The following ACTN2 variants were observed in gnomAD, a reference collection of about 807,000 sequenced individuals.
ACTN2 encodes the protein actinin alpha 2, also known as alpha-actinin-2.
Under a neutral mutation model 113.8 loss-of-function variants are expected in ACTN2, and 39 were observed. The observed-to-expected ratio is 0.34, with a 90% CI of 0.27 to 0.45. The LOEUF (loss-of-function observed/expected upper bound fraction) is 0.45. Ranked by LOEUF, ACTN2 falls within the 20% of genes least tolerant of loss-of-function variation. The pLI is 1.00. For synonymous variants in ACTN2, 429 were observed against 444.1 expected (o/e 0.97, Z 0.43); for missense variants, 992 against 1,177.9 (o/e 0.84, Z 2.31).
chr1:236,711,046 A>T (rs993712769), intron 1 of ACTN2, among the ~76,000 whole-genome samples: 17 of 152,354 alleles, frequency 1.1e-4, no homozygotes, highest in African/African-American at 3.8e-4. Flanking sequence ...ACTTGAAAGC[A>T]TCTGTATGAC....
At chr1:236,702,292 A>G (rs572574835) in intron 1 of ACTN2, among the ~76,000 whole-genome samples, 2 of 152,342 alleles carry the variant, frequency 1.3e-5, no homozygotes, top group South Asian at 4.1e-4. Flanking sequence ...CAACTAGGGA[A>G]GGGCAAAGAA....
At chr1:236,698,507 CAGATTAGAAAAATA>C (rs1657584037) in intron 1 of ACTN2, among the ~76,000 whole-genome samples, 2 of 152,108 alleles carry the variant, frequency 1.3e-5, no homozygotes, top group Non-Finnish European at 2.9e-5. Context: ...TTCAGGTGGT[CAGATTAGAAAAATA>C]CAAACCATGC....
In ACTN2 at chr1:236,743,310, C is replaced by T. The variant is rs192428556; in HGVS notation, c.1255+267C>T. ...TACCTACCTACATAAGGCCTGGCCT[C>T]CTTCCATGTTTTCTGTTTGATTCCA... is the stretch of plus-strand genomic sequence containing the variant. On this transcript the variant is annotated intron_variant, in intron 11 of 20. Coordinates refer to ENST00000366578, the MANE Select transcript of ACTN2 (RefSeq NM_001103.4). Among the ~76,000 whole-genome samples, 316 of 152,330 alleles carry T rather than the reference C, an allele frequency of 2.1e-3. 4 individuals carry two copies. Among genetic ancestry groups the T allele is most frequent in the Non-Finnish European group, 3.8e-3 (261 of 68,030 alleles).
At chr1:236,740,174 C>T (rs989212255) in intron 10 of ACTN2, among the ~76,000 whole-genome samples, 2 of 152,028 alleles carry the variant, frequency 1.3e-5, no homozygotes, top group East Asian at 1.9e-4. Context: ...AGTGCAGTGG[C>T]GTGATCTCAG....
intron 5 of ACTN2, 114 bp from the exon 6 acceptor site, chr1:236,727,564 C>A: frequency 9.5e-7 from 1 of 1,048,942 alleles, no homozygotes; most frequent in Non-Finnish European, 1.5e-6. Context: ...CTACATGGGG[C>A]CCTCCGTGCA....
At chr1:236,695,414 GA>G (rs58669150) in intron 1 of ACTN2, among the ~76,000 whole-genome samples, 2,013 of 102,874 alleles carry the variant, frequency 0.02, 35 homozygotes, top group African/African-American at 0.061. Flanking sequence ...TGCTGTGTCT[GA>G]AAAAAAAAAA....
intron 1 of ACTN2, among the ~76,000 whole-genome samples, chr1:236,716,835 A>ATTTTTTTTTTTTTT (rs36142948): frequency 8.6e-6 from 1 of 116,324 alleles, no homozygotes; most frequent in Non-Finnish European, 1.6e-5. Flanking sequence ...CATTTTGAAC[A>ATTTTTTTTTTTTTT]TTTTTTTTTT....
chr1:236,709,220 G>GTGTGTGTGTGTATA (rs1275373436), intron 1 of ACTN2, among the ~76,000 whole-genome samples: 3 of 66,852 alleles, frequency 4.5e-5, no homozygotes, highest in African/African-American at 6.1e-5. Context: ...ACAAATGACT[G>GTGTGTGTGTGTATA]TATATATATA....
chr1:236,716,680 C>T (rs1421240377), intron 1 of ACTN2, among the ~76,000 whole-genome samples: 1 of 151,882 alleles, frequency 6.6e-6, no homozygotes, highest in East Asian at 1.9e-4. Context: ...ATAGACTATA[C>T]TGCAAATTTG....
At chr1:236,724,643 C>T (rs1479275137) in intron 4 of ACTN2, among the ~76,000 whole-genome samples, 2 of 152,218 alleles carry the variant, frequency 1.3e-5, no homozygotes, top group African/African-American at 4.8e-5. Flanking sequence ...AGGGGTGTCT[C>T]AGCTCTGCTG....
At chr1:236,703,414 G>A (rs527733269) in intron 1 of ACTN2, among the ~76,000 whole-genome samples, 14 of 136,780 alleles carry the variant, frequency 1.0e-4, no homozygotes, top group African/African-American at 2.5e-4. Flanking sequence ...GCTTTCATGC[G>A]TTCCTTTGGG....
At chr1:236,702,799 T>C (rs1657715297) in intron 1 of ACTN2, among the ~76,000 whole-genome samples, 1 of 152,206 alleles carries the variant, frequency 6.6e-6, no homozygotes, top group Non-Finnish European at 1.5e-5. Context: ...TGTGGGCTGT[T>C]CCTTACTTAG....
intron 1 of ACTN2, among the ~76,000 whole-genome samples, chr1:236,687,621 C>T (rs1417535868): frequency 6.6e-6 from 1 of 152,214 alleles, no homozygotes; most frequent in Non-Finnish European, 1.5e-5. Flanking sequence ...AAGCCAAACG[C>T]TCTGAACTTT....
chr1:236,698,010 G>T (rs1201437855), intron 1 of ACTN2, among the ~76,000 whole-genome samples: 1 of 149,800 alleles, frequency 6.7e-6, no homozygotes, highest in Non-Finnish European at 1.5e-5. Context: ...CTGACCTCAG[G>T]TGATCCACCT....
chr1:236,691,474 C>T (rs978765094), intron 1 of ACTN2, among the ~76,000 whole-genome samples: 1 of 151,262 alleles, frequency 6.6e-6, no homozygotes, highest in East Asian at 2.0e-4. Context: ...AAGACCCCGT[C>T]TTTGCAAAAA....
chr1:236,716,835 A>ATTTTTTTT (rs36142948), intron 1 of ACTN2, among the ~76,000 whole-genome samples: 2 of 116,360 alleles, frequency 1.7e-5, no homozygotes, highest in Non-Finnish European at 3.3e-5. Flanking sequence ...CATTTTGAAC[A>ATTTTTTTT]TTTTTTTTTT....
At position 236,761,141 on chromosome 1, in the gene ACTN2, A is replaced by T. The variant is rs767441575; in HGVS notation, c.2494A>T (p.Ile832Phe). 1.2e-6 allele frequency: 2 copies of T among 1,614,110 alleles called. No individual in the cohort carries two copies. The highest frequency in any genetic ancestry group is 1.7e-6 in the Non-Finnish European group (2 of 1,180,052). ...TADTDTAEQV[I>F]ASFRILASDK... ...TGACACCGACACTGCCGAGCAGGTC[A>T]TCGCCTCCTTCCGGATCCTGGCTTC... is the stretch of plus-strand genomic sequence containing the variant. The change falls in exon 20 of 21, where the codon ATC (isoleucine) becomes TTC (phenylalanine). Residue 832 changes from isoleucine (I) to phenylalanine (F), a missense_variant. Transcript: ENST00000366578.
At chr1:236,703,433 CT>C (rs35432183) in intron 1 of ACTN2, among the ~76,000 whole-genome samples, 12,705 of 98,934 alleles carry the variant, frequency 0.13, 227 homozygotes, top group Non-Finnish European at 0.16. Flanking sequence ...GGCCTACTAC[CT>C]TTTTTTTTTT....
chr1:236,705,666 A>G (rs1227604030), intron 1 of ACTN2, among the ~76,000 whole-genome samples: 2 of 152,262 alleles, frequency 1.3e-5, no homozygotes, highest in Non-Finnish European at 2.9e-5. Flanking sequence ...CCGTTGGAGC[A>G]TAGATTTTTC....
Sources: allele counts gnomAD v4.1 joint callset (sites outside exome capture counted in the v4.1 genomes callset), GRCh38; gene constraint gnomAD v4.1.1; transcripts MANE v1.5; gene names NCBI Gene and HGNC (gene_info 2026-07-23, HGNC 2026-07-21).